Variants in GRIN2B observed in about 807,000 individuals in gnomAD.
GRIN2B encodes the protein glutamate ionotropic receptor NMDA type subunit 2B.
A neutral mutation model predicts 114.5 loss-of-function variants in GRIN2B; 5 were observed. That is an observed-to-expected ratio of 0.04 (90% confidence interval 0.02 to 0.09). The LOEUF is 0.09. Among genes scored for constraint, GRIN2B ranks in the 10% least tolerant of loss-of-function variants. GRIN2B has a pLI of 1.00. For missense variants in GRIN2B, 1,108 were observed against 1,943.5 expected (o/e 0.57, Z 8.08); for synonymous variants, 787 against 745.1 (o/e 1.06, Z -0.92).
At chr12:13,809,940 C>T (rs1864695003) in intron 3 of GRIN2B, among the ~76,000 whole-genome samples, 1 of 152,144 alleles carries the variant, frequency 6.6e-6, no homozygotes, top group South Asian at 2.1e-4. Flanking sequence ...GTGCCTCTCT[C>T]CCCAGTCTTT....
intron 3 of GRIN2B, among the ~76,000 whole-genome samples, chr12:13,852,620 A>G (rs1339603317): frequency 1.3e-5 from 2 of 151,598 alleles, no homozygotes. Context: ...GAGTGACTTA[A>G]AAGGTTATTT....
chr12:13,861,512 C>G (rs1040329712), intron 3 of GRIN2B, among the ~76,000 whole-genome samples: 1 of 152,192 alleles, frequency 6.6e-6, no homozygotes, highest in African/African-American at 2.4e-5. Flanking sequence ...TCTTTATACT[C>G]AGGTGGGGAA....
chr12:13,916,832 T>G (rs1209450990), intron 2 of GRIN2B, among the ~76,000 whole-genome samples: 2 of 151,202 alleles, frequency 1.3e-5, no homozygotes, highest in African/African-American at 4.9e-5. Context: ...TATAGCAAAT[T>G]ATTATTATAT....
intron 2 of GRIN2B, among the ~76,000 whole-genome samples, chr12:13,951,806 C>CAT (rs1867485327): frequency 1.3e-5 from 2 of 152,142 alleles, no homozygotes; most frequent in Non-Finnish European, 2.9e-5. Flanking sequence ...AAATGGCCAC[C>CAT]ATACTATATA....
intron 10 of GRIN2B, among the ~76,000 whole-genome samples, chr12:13,592,614 T>C (rs1344417744): frequency 6.6e-6 from 1 of 152,198 alleles, no homozygotes; most frequent in Non-Finnish European, 1.5e-5. Context: ...TAATGAAGTA[T>C]TGGAGGAAAG....
intron 3 of GRIN2B, among the ~76,000 whole-genome samples, chr12:13,825,394 T>G (rs1478597711): frequency 6.6e-6 from 1 of 150,556 alleles, no homozygotes; most frequent in Non-Finnish European, 1.5e-5. Context: ...GAATGTATAT[T>G]CTCTCTCCTG....
chr12:13,803,579 T>G (rs1023944724), intron 3 of GRIN2B, among the ~76,000 whole-genome samples: 1 of 152,206 alleles, frequency 6.6e-6, no homozygotes, highest in African/African-American at 2.4e-5. Flanking sequence ...TATGCTACTA[T>G]AATGTTAAAA....
chr12:13,887,171 C>T (rs550460421), intron 2 of GRIN2B, among the ~76,000 whole-genome samples: 6 of 152,216 alleles, frequency 3.9e-5, no homozygotes, highest in African/African-American at 1.4e-4. Flanking sequence ...AGCTGCAATG[C>T]TTTGGAGAAA....
chr12:13,719,838 C>T (rs1950491281), intron 4 of GRIN2B, among the ~76,000 whole-genome samples: 1 of 152,076 alleles, frequency 6.6e-6, no homozygotes, highest in African/African-American at 2.4e-5. Context: ...ACTCTCGTTA[C>T]TTGGTGCTTT....
At chr12:13,633,166 T>G (rs750095385) in intron 5 of GRIN2B, among the ~76,000 whole-genome samples, 1 of 152,196 alleles carries the variant, frequency 6.6e-6, no homozygotes. Context: ...CTTGTGCATG[T>G]TTGTAGATTC....
At position 13,544,194 on chromosome 12, in the gene GRIN2B, C is replaced by T. The variant is rs1948316996; in HGVS notation, c.*18589G>A. 1 of 152,166 alleles carries T rather than the reference C, an allele frequency of 6.6e-6. No individual in the cohort carries two copies. The highest frequency in any genetic ancestry group is 1.5e-5 in the Non-Finnish European group (1 of 68,090). The allele number at this position is 152,166 out of a possible 1,614,324, so 9.4% of individuals were successfully genotyped here. A position where few individuals can be genotyped will look rare whatever the true frequency, so the allele number is the denominator to read the frequency against. ...CTCTCCTTCCCCTCTTTCTTGAATC[C>T]ACCCCATCATGCTTTTGCCCCCACC... On this transcript the variant is annotated 3_prime_UTR_variant, in exon 14 of 14. Coordinates refer to ENST00000609686, the MANE Select transcript of GRIN2B (RefSeq NM_000834.5).
rs1386406931 is a variant in GRIN2B, at chr12:13,542,465, G to C, written c.*20318C>G. Reference sequence around the variant, plus strand: ...TTGTGGCCTATCACAGTTAGCAGTGGGGTTTTTAGTAGAAGTTAAAAAAGC... The same window carrying C: ...TTGTGGCCTATCACAGTTAGCAGTGCGGTTTTTAGTAGAAGTTAAAAAAGC... On this transcript the variant is annotated 3_prime_UTR_variant, in exon 14 of 14. Coordinates refer to ENST00000609686, the MANE Select transcript of GRIN2B (RefSeq NM_000834.5). 1 of 152,104 alleles carries C rather than the reference G, an allele frequency of 6.6e-6. No homozygotes were observed. The highest frequency in any genetic ancestry group is 2.1e-4 in the South Asian group (1 of 4,820). 9.4% of individuals were successfully genotyped at this position (152,104 alleles called of 1,614,324 possible).
intron 4 of GRIN2B, among the ~76,000 whole-genome samples, chr12:13,676,128 G>A (rs1950071932): frequency 6.6e-6 from 1 of 152,056 alleles, no homozygotes; most frequent in South Asian, 2.1e-4. Context: ...TTACAAGTGG[G>A]AGCTGAACAA....
rs1337942744 is a variant in GRIN2B, at chr12:13,542,331, G to A, written c.*20452C>T. On this transcript the variant is annotated 3_prime_UTR_variant, in exon 14 of 14. Transcript: ENST00000609686. ...CCCACAACGAGACTAGCTTAGTTGG[G>A]AACCTTAGAAAGGACAAGATTTCCT... The A allele has an allele frequency of 6.6e-6, 1 of 152,068 alleles. No homozygotes were observed. The highest frequency in any genetic ancestry group is 1.9e-4 in the East Asian group (1 of 5,180). 9.4% of individuals were successfully genotyped at this position (152,068 alleles called of 1,614,324 possible). A position where few individuals can be genotyped will look rare whatever the true frequency, so the allele number is the denominator to read the frequency against.
intron 2 of GRIN2B, among the ~76,000 whole-genome samples, chr12:13,920,465 A>G (rs150636240): frequency 2.6e-5 from 4 of 152,326 alleles, no homozygotes; most frequent in Admixed American, 2.6e-4. Flanking sequence ...ATCATTTTGT[A>G]ACTGTGCAGG....
intron 4 of GRIN2B, among the ~76,000 whole-genome samples, chr12:13,751,519 G>A (rs1461933252): frequency 4.6e-5 from 7 of 152,142 alleles, no homozygotes; most frequent in Non-Finnish European, 7.3e-5. Context: ...CAAACAGTAC[G>A]ATTGACTATG....
At chr12:13,653,925 T>G (rs1949840772) in intron 5 of GRIN2B, among the ~76,000 whole-genome samples, 1 of 152,172 alleles carries the variant, frequency 6.6e-6, no homozygotes, top group South Asian at 2.1e-4. Context: ...TGGTTCACAC[T>G]AAAATTTCTA....
Position 13,540,839 on chromosome 12 carries a change from C to G in GRIN2B, c.*21944G>C, listed in dbSNP as rs549306976. On this transcript the variant is annotated 3_prime_UTR_variant, in exon 14 of 14. Coordinates refer to ENST00000609686, the MANE Select transcript of GRIN2B (RefSeq NM_000834.5). Reference sequence around the variant, plus strand: ...AGGGAGGAGTGTGGAGTCTGGGCCTCGCAGAGCTGAGGCAAGCCTGAGTCG... The same window carrying G: ...AGGGAGGAGTGTGGAGTCTGGGCCTGGCAGAGCTGAGGCAAGCCTGAGTCG... 1 of 152,162 alleles carries G rather than the reference C, an allele frequency of 6.6e-6. No individual in the cohort carries two copies. Among genetic ancestry groups the G allele is most frequent in the Non-Finnish European group, 1.5e-5 (1 of 68,054 alleles). 9.4% of individuals were successfully genotyped at this position (152,162 alleles called of 1,614,324 possible).
intron 4 of GRIN2B, among the ~76,000 whole-genome samples, chr12:13,702,855 T>C (rs1035558133): frequency 6.6e-6 from 1 of 152,164 alleles, no homozygotes; most frequent in African/African-American, 2.4e-5. Flanking sequence ...AGCTAAAGTC[T>C]CAGTCAGACT....
Sources: gnomAD v4.1 joint callset for allele counts (sites outside exome capture counted in the v4.1 genomes callset) on GRCh38, gnomAD v4.1.1 for gene constraint, MANE v1.5 for transcripts, NCBI Gene and HGNC (gene_info 2026-07-23, HGNC 2026-07-21) for gene names.